The following GDPD4 variants were observed in gnomAD, a reference collection of about 807,000 sequenced individuals.
GDPD4 encodes glycerophosphodiester phosphodiesterase domain containing 4.
In GDPD4, 60 loss-of-function variants were observed where a neutral mutation model predicts 67.8. The ratio of observed to expected loss-of-function variants is 0.88; its 90% CI spans 0.72 to 1.10. The LOEUF is 1.10. Among genes scored for constraint, GDPD4 ranks in the 50% least tolerant of loss-of-function variants. GDPD4 has a pLI of 0.00. For missense variants in GDPD4, 623 were observed against 613.9 expected, an observed-to-expected ratio of 1.01 and a Z score of -0.16; for synonymous variants, 212 against 210.9, an observed-to-expected ratio of 1.00 and a Z score of -0.04.
chr11:77,260,224 T>C (rs529243861), intron 10 of GDPD4, among the ~76,000 whole-genome samples: 1 of 151,010 alleles, frequency 6.6e-6, no homozygotes, highest in African/African-American at 2.5e-5. Context: ...GGAGAATGCT[T>C]GAACCTGGGA....
intron 4 of GDPD4, among the ~76,000 whole-genome samples, chr11:77,277,903 T>C (rs1445243504): frequency 1.3e-5 from 2 of 152,002 alleles, no homozygotes; most frequent in Non-Finnish European, 2.9e-5. Flanking sequence ...ACACACTGCT[T>C]TAAATGTGTC....
Position 77,216,793 on chromosome 11 carries a change from T to C in GDPD4, c.*484A>G. The C allele has an allele frequency of 3.3e-6, 2 of 611,760 alleles. No homozygotes were observed. Among genetic ancestry groups the C allele is most frequent in the South Asian group, 4.0e-5 (2 of 50,492 alleles). 37.9% of individuals were successfully genotyped at this position (611,760 alleles called of 1,614,324 possible). ...CAACCACTCCCCACCATCACCACCC[T>C]TAGGCAGAGAGAGGAAGAAGCAGGG... is the stretch of plus-strand genomic sequence containing the variant. On this transcript the variant is annotated 3_prime_UTR_variant, in exon 17 of 17. Coordinates refer to ENST00000315938, the MANE Select transcript of GDPD4 (RefSeq NM_182833.3).
intron 8 of GDPD4, among the ~76,000 whole-genome samples, chr11:77,269,337 G>A (rs1199078088): frequency 6.6e-6 from 1 of 152,158 alleles, no homozygotes; most frequent in East Asian, 1.9e-4. Flanking sequence ...ACTGTACAGG[G>A]GACAGATGGG....
Position 77,235,009 on chromosome 11 carries a change from G to GTTTTTTTTT in GDPD4, c.1242-1846_1242-1838dup, listed in dbSNP as rs57989259. 2.8e-3 allele frequency among the ~76,000 whole-genome samples: 144 copies of GTTTTTTTTT among 52,246 alleles called. 13 individuals carry two copies. The highest frequency in any genetic ancestry group is 3.7e-3 in the Admixed American group (14 of 3,756). 34.3% of individuals were successfully genotyped at this position (52,246 alleles called of 152,430 possible). A position where few individuals can be genotyped will look rare whatever the true frequency, so the allele number is the denominator to read the frequency against. The stretch of plus-strand genomic sequence containing the variant: ...TCTCTCTGCAACCTTGTCAATATCT[G>GTTTTTTTTT]TTTTTTTTTTTTTTTTTTTTTTTTT... On this transcript the variant is annotated intron_variant, in intron 13 of 16. Transcript: ENST00000315938.
intron 1 of GDPD4, among the ~76,000 whole-genome samples, chr11:77,295,162 AT>A (rs1937912100): frequency 6.6e-6 from 1 of 151,074 alleles, no homozygotes; most frequent in African/African-American, 2.4e-5. Flanking sequence ...TTGTTTTTGT[AT>A]TTTTAGTAGA....
chr11:77,217,205 AG>A lies in GDPD4; in HGVS notation c.*71del. The A allele has an allele frequency of 8.9e-7, 1 of 1,126,946 alleles. No homozygotes were observed. Among genetic ancestry groups the A allele is most frequent in the Non-Finnish European group, 1.4e-6 (1 of 734,816 alleles). The allele number at this position is 1,126,946 out of a possible 1,614,324, so 69.8% of individuals were successfully genotyped here. A position where few individuals can be genotyped will look rare whatever the true frequency, so the allele number is the denominator to read the frequency against. On this transcript the variant is annotated 3_prime_UTR_variant, in exon 17 of 17. Coordinates refer to ENST00000315938, the MANE Select transcript of GDPD4 (RefSeq NM_182833.3). The stretch of plus-strand genomic sequence containing the variant: ...TCCACTCTTGGGTAGAGCCGGGTAG[AG>A]GGCTGCTAGAGTCCAAGGACCTTCC...
At chr11:77,277,400 T>TC (rs1199637374) in intron 4 of GDPD4, among the ~76,000 whole-genome samples, 1 of 105,516 alleles carries the variant, frequency 9.5e-6, no homozygotes, top group East Asian at 2.5e-4. Context: ...CCTTTTTTTT[T>TC]TTTTTTTTTT....
chr11:77,251,416 C>T (rs1958896068), intron 11 of GDPD4, among the ~76,000 whole-genome samples: 1 of 152,126 alleles, frequency 6.6e-6, no homozygotes, highest in Non-Finnish European at 1.5e-5. Context: ...AGCGGTTTTG[C>T]ATTCCCCAGT....
At position 77,300,836 on chromosome 11, in the gene GDPD4, G is replaced by GA. The variant is rs534381912; in HGVS notation, c.-254+768dup. On this transcript the variant is annotated intron_variant, in intron 1 of 16. Coordinates refer to ENST00000315938, the MANE Select transcript of GDPD4 (RefSeq NM_182833.3). ...CAAAGAAAAATCACAATGGAAATGA[G>GA]AAAAAAACTTTCAGTTGGTTAATGA... Among the ~76,000 whole-genome samples, 3 of 152,196 alleles carry GA rather than the reference G, an allele frequency of 2.0e-5. No individual in the cohort carries two copies. The South Asian group carries it at 6.2e-4, about 32-fold the overall frequency.
intron 16 of GDPD4, among the ~76,000 whole-genome samples, chr11:77,224,491 G>C (rs1170820935): frequency 6.6e-6 from 1 of 151,994 alleles, no homozygotes; most frequent in Non-Finnish European, 1.5e-5. Flanking sequence ...TGTTGGCTTT[G>C]AAGAAGTAAG....
At chr11:77,298,892 A>C (rs540734168) in intron 1 of GDPD4, among the ~76,000 whole-genome samples, 1 of 152,076 alleles carries the variant, frequency 6.6e-6, no homozygotes, top group Non-Finnish European at 1.5e-5. Flanking sequence ...AAATCATGAT[A>C]TATAGGGTTA....
chr11:77,225,567 A>G (rs1464429536), intron 16 of GDPD4, among the ~76,000 whole-genome samples: 1 of 152,194 alleles, frequency 6.6e-6, no homozygotes, highest in East Asian at 1.9e-4. Flanking sequence ...AACCAATAAT[A>G]AAAGGAATAA....
At chr11:77,277,991 G>C (rs991224312) in intron 4 of GDPD4, among the ~76,000 whole-genome samples, 1 of 151,892 alleles carries the variant, frequency 6.6e-6, no homozygotes, top group African/African-American at 2.4e-5. Context: ...ATTTCGTTAT[G>C]TACCCAGTAG....
intron 16 of GDPD4, among the ~76,000 whole-genome samples, chr11:77,223,723 TTCAGAGCTG>T (rs141637276): frequency 0.018 from 2,741 of 152,298 alleles, 89 homozygotes; most frequent in African/African-American, 0.062. Context: ...CACTACTCTC[TTCAGAGCTG>T]TCAGACAGGG....
intron 16 of GDPD4, among the ~76,000 whole-genome samples, chr11:77,222,793 G>T (rs1438273496): frequency 6.6e-6 from 1 of 152,090 alleles, no homozygotes; most frequent in Admixed American, 6.6e-5. Flanking sequence ...GCTAGGTTGG[G>T]GATGTTCTCC....
At chr11:77,254,564 C>A (rs1958966602) in intron 11 of GDPD4, among the ~76,000 whole-genome samples, 2 of 152,226 alleles carry the variant, frequency 1.3e-5, no homozygotes, top group East Asian at 1.9e-4. Flanking sequence ...TGTCATCCTG[C>A]CTGTTCCTTC....
chr11:77,249,181 G>A (rs185589283), intron 11 of GDPD4, among the ~76,000 whole-genome samples: 1,908 of 148,708 alleles, frequency 0.013, 13 homozygotes, highest in Middle Eastern at 0.018. Context: ...CAGGAGAATC[G>A]CTTGAAGCCG....
chr11:77,241,335 G>C (rs1958659758), intron 13 of GDPD4, among the ~76,000 whole-genome samples: 1 of 152,152 alleles, frequency 6.6e-6, no homozygotes, highest in African/African-American at 2.4e-5. Context: ...CGCAAAGAAA[G>C]ACAAATACCA....
intron 1 of GDPD4, among the ~76,000 whole-genome samples, chr11:77,300,045 T>A (rs1369502645): frequency 6.6e-6 from 1 of 152,122 alleles, no homozygotes; most frequent in African/African-American, 2.4e-5. Context: ...AATCAATATG[T>A]CAGTATGTTC....
Sources: gnomAD v4.1 joint callset for allele counts (sites outside exome capture counted in the v4.1 genomes callset) on GRCh38, gnomAD v4.1.1 for gene constraint, MANE v1.5 for transcripts, NCBI Gene and HGNC (gene_info 2026-07-23, HGNC 2026-07-21) for gene names.